Variants in FAM178B observed in about 807,000 individuals in gnomAD.
The protein encoded by FAM178B is family with sequence similarity 178 member B, also known as protein FAM178B.
Under a neutral mutation model 91.7 loss-of-function variants are expected in FAM178B, and 82 were observed. The ratio of observed to expected loss-of-function variants is 0.89; its 90% confidence interval spans 0.75 to 1.07. The LOEUF (loss-of-function observed/expected upper bound fraction) is 1.07, where lower values mean the gene tolerates loss of function less well. Among genes scored for constraint, FAM178B ranks in the 50% least tolerant of loss-of-function variants. The pLI, the probability that FAM178B is intolerant of heterozygous loss-of-function variation, is 0.00. For missense variants in FAM178B, 769 were observed against 846.7 expected, an observed-to-expected ratio of 0.91 and a Z score of 1.14; for synonymous variants, 368 against 359.4, an observed-to-expected ratio of 1.02 and a Z score of -0.27.
rs1304036996 is a variant in FAM178B, at chr2:96,986,574, C to T, written c.-261G>A. On this transcript the variant is annotated 5_prime_UTR_variant, in exon 1 of 17. Transcript: ENST00000490605. The stretch of plus-strand genomic sequence containing the variant: ...GCCGCCAGCTGGGGAGCTCGCCGGC[C>T]AAGTGCGCACCCTCTTCCTGTTAGC... The T allele has an allele frequency of 1.0e-5, 5 of 487,512 alleles. No homozygotes were observed. The highest frequency in any genetic ancestry group is 2.0e-5 in the African/African-American group (1 of 50,066). 30.2% of individuals were successfully genotyped at this position (487,512 alleles called of 1,614,324 possible).
chr2:96,877,756 C>T, intron 16 of FAM178B, 134 bp downstream of exon 16: 1 of 873,202 alleles, frequency 1.1e-6, no homozygotes, highest in Non-Finnish European at 1.7e-6. Context: ...ACCCTTCCCC[C>T]ACATGCCCAC....
intron 8 of FAM178B, among the ~76,000 whole-genome samples, chr2:96,945,811 C>T (rs1414487301): frequency 2.0e-5 from 3 of 152,178 alleles, no homozygotes; most frequent in Admixed American, 6.5e-5. Context: ...TGCTCTTGAC[C>T]TAGCTTTTTT....
intron 6 of FAM178B, among the ~76,000 whole-genome samples, chr2:96,957,129 G>C (rs943075021): frequency 7.9e-5 from 12 of 152,116 alleles, no homozygotes; most frequent in African/African-American, 2.9e-4. Context: ...TGGGATTATA[G>C]GCATGAGCCA....
chr2:96,908,033 A>C (rs1409206953), intron 12 of FAM178B, among the ~76,000 whole-genome samples: 2 of 152,216 alleles, frequency 1.3e-5, no homozygotes, highest in African/African-American at 2.4e-5. Context: ...CTTGTCCATC[A>C]GGCTGCCTGT....
At chr2:96,961,077 G>C (rs531006379) in intron 5 of FAM178B, among the ~76,000 whole-genome samples, 4 of 152,282 alleles carry the variant, frequency 2.6e-5, no homozygotes, top group African/African-American at 9.6e-5. Context: ...CCGGCCCAGA[G>C]AGTCTGATTT....
At chr2:96,958,104 T>C (rs2082026169) in intron 6 of FAM178B, among the ~76,000 whole-genome samples, 1 of 149,058 alleles carries the variant, frequency 6.7e-6, no homozygotes, top group Non-Finnish European at 1.5e-5. Flanking sequence ...AGTCTCGCTC[T>C]GTCCCCTAGG....
Position 96,878,008 on chromosome 2 carries a change from C to G in FAM178B, c.1889G>C (p.Arg630Pro). 1 of 1,612,218 alleles carries G rather than the reference C, an allele frequency of 6.2e-7. No individual in the cohort carries two copies. The highest frequency in any genetic ancestry group is 8.5e-7 in the Non-Finnish European group (1 of 1,180,012). ...CTCCCGGATCTGCGTGCTGATGTGG[C>G]GGTCCAACTGCATGCACAGCAGCTG... ...ELQLLCMQLD[R>P]HISTQIRESP... Residue 630 changes from arginine (R) to proline (P), a missense_variant, in exon 16 of 17, where the codon CGC (arginine) becomes CCC (proline). Transcript: ENST00000490605.
intron 6 of FAM178B, among the ~76,000 whole-genome samples, chr2:96,954,545 G>A (rs1195463285): frequency 6.7e-6 from 1 of 150,310 alleles, no homozygotes; most frequent in Non-Finnish European, 1.5e-5. Context: ...TATTTTATGG[G>A]CAGCAGTCCC....
chr2:96,875,979 C>T lies in FAM178B; in HGVS notation c.*297G>A. 1 of 452,634 alleles carries T rather than the reference C, an allele frequency of 2.2e-6. No individual in the cohort carries two copies. The highest frequency in any genetic ancestry group is 4.0e-5 in the East Asian group (1 of 25,284). The allele number at this position is 452,634 out of a possible 1,614,324, so 28.0% of individuals were successfully genotyped here. Reference sequence around the variant, plus strand: ...TGGGGAGGACTGAGGCCCAGGGAAACCAGAGCTATGGAGACAGAGGCCTTA... The same window carrying T: ...TGGGGAGGACTGAGGCCCAGGGAAATCAGAGCTATGGAGACAGAGGCCTTA... On this transcript the variant is annotated 3_prime_UTR_variant, in exon 17 of 17. Transcript: ENST00000490605.
chr2:96,980,269 T>C (rs2082344999), intron 1 of FAM178B, among the ~76,000 whole-genome samples: 1 of 152,176 alleles, frequency 6.6e-6, no homozygotes, highest in East Asian at 1.9e-4. Context: ...AGAGACAGGG[T>C]TTCACCATGT....
At chr2:96,957,924 G>A (rs1477323735) in intron 6 of FAM178B, among the ~76,000 whole-genome samples, 2 of 152,040 alleles carry the variant, frequency 1.3e-5, no homozygotes, top group African/African-American at 4.8e-5. Context: ...ATAAAGGAAG[G>A]TTGGAAAAAA....
chr2:96,951,319 C>A, intron 7 of FAM178B, 60 bp downstream of exon 7: 1 of 1,258,650 alleles, frequency 7.9e-7, no homozygotes, highest in Non-Finnish European at 1.1e-6. Context: ...AGCCTGTGGG[C>A]CTGCCGGGCC....
Position 96,972,564 on chromosome 2 carries a change from G to A in FAM178B, c.116C>T (p.Thr39Met). The change falls in exon 2 of 17, where the codon ACG becomes ATG. Residue 39 changes from threonine to methionine, a missense_variant. By Grantham distance (81) the Thr-to-Met change is moderately conservative. Coordinates refer to ENST00000490605, the MANE Select transcript of FAM178B (RefSeq NM_001122646.3). The stretch of plus-strand genomic sequence containing the variant: ...TTCTCTCAGAGGAAGGGCTAGCACC[G>A]TCTCCTGGGGCCCAGCCATCTGCAA... ...HGLQMAGPQE[T>M]VLALPLREGV... The A allele has an allele frequency of 5.2e-6, 8 of 1,551,692 alleles. No individual in the cohort carries two copies. Among genetic ancestry groups the A allele is most frequent in the South Asian group, 1.2e-5 (1 of 84,070 alleles).
rs1258787232 is a variant in FAM178B, at chr2:96,970,752, T to C, written c.590A>G (p.Tyr197Cys). The change falls in exon 4 of 17, where the codon TAC (tyrosine) becomes TGC (cysteine). Residue 197 changes from tyrosine to cysteine, a missense_variant. Physicochemically the swap from Tyr to Cys is radical, Grantham distance 194. Transcript: ENST00000490605. The stretch of plus-strand genomic sequence containing the variant: ...CAGTAAGTAGTCCAGGTTGTTGAAG[T>C]AGCTTCCTGAGCCCCCCCAGGAAAA... ...PEFSWGGSGS[Y>C]FNNLDYLLQE... The C allele has an allele frequency of 1.9e-6, 3 of 1,551,242 alleles. No individual in the cohort carries two copies. The highest frequency in any genetic ancestry group is 1.7e-4 in the Middle Eastern group (1 of 5,986).
At position 96,905,836 on chromosome 2, in the gene FAM178B, ATATATATATATATATATATATATATTTT is replaced by A. The variant is rs1468200317; in HGVS notation, c.1563-3157_1563-3130del. 1.5e-3 allele frequency among the ~76,000 whole-genome samples: 44 copies of A among 28,482 alleles called. 1 individual carries two copies. Among genetic ancestry groups the A allele is most frequent in the Non-Finnish European group, 3.3e-3 (37 of 11,228 alleles). The allele number at this position is 28,482 out of a possible 152,430, so 18.7% of individuals were successfully genotyped here. On this transcript the variant is annotated intron_variant, in intron 12 of 16. Transcript: ENST00000490605. ...TATGTGTGTATATATATATATATATATATATATATATATATATATATATATTTTTTTTTTTTTTTTTTTTTTTTTTTTG... is the reference window on the plus strand; with the variant it reads ...TATGTGTGTATATATATATATATATATTTTTTTTTTTTTTTTTTTTTTTTG...
chr2:96,982,817 C>T (rs1178235045), intron 1 of FAM178B, among the ~76,000 whole-genome samples: 2 of 137,220 alleles, frequency 1.5e-5, no homozygotes, highest in African/African-American at 5.6e-5. Flanking sequence ...TGGGCTCAAG[C>T]AATCCTCCTG....
chr2:96,983,880 T>C (rs1303274898), intron 1 of FAM178B, among the ~76,000 whole-genome samples: 1 of 152,262 alleles, frequency 6.6e-6, no homozygotes, highest in Non-Finnish European at 1.5e-5. Context: ...TATACAATAT[T>C]TCATCATATG....
At chr2:96,881,395 A>G (rs1287113116) in intron 14 of FAM178B, among the ~76,000 whole-genome samples, 1 of 152,020 alleles carries the variant, frequency 6.6e-6, no homozygotes, top group Non-Finnish European at 1.5e-5. Context: ...CACTGAGGAC[A>G]GCTGGGGAAG....
chr2:96,946,285 T>C (rs929518769), intron 8 of FAM178B, among the ~76,000 whole-genome samples: 1 of 152,264 alleles, frequency 6.6e-6, no homozygotes, highest in African/African-American at 2.4e-5. Context: ...ACTGTATGTA[T>C]GTACCACATT....
Sources: allele counts gnomAD v4.1 joint callset (sites outside exome capture counted in the v4.1 genomes callset), GRCh38; gene constraint gnomAD v4.1.1; transcripts MANE v1.5; gene names NCBI Gene and HGNC (gene_info 2026-07-23, HGNC 2026-07-21).